The following CELF2 variants were observed in gnomAD, a reference collection of about 807,000 sequenced individuals.
CELF2 encodes the protein CUG triplet repeat RNA-binding protein 2.
Under a neutral mutation model 62.6 loss-of-function variants are expected in CELF2, and 8 were observed. The ratio of observed to expected loss-of-function variants is 0.13; its 90% CI spans 0.07 to 0.23. The LOEUF (loss-of-function observed/expected upper bound fraction) is 0.23, where lower values mean the gene tolerates loss of function less well. Among genes scored for constraint, CELF2 ranks in the 10% least tolerant of loss-of-function variants. The pLI, the probability that CELF2 is intolerant of heterozygous loss-of-function variation, is 1.00. For missense variants in CELF2, 333 were observed against 671.0 expected (o/e 0.50, Z 5.56); for synonymous variants, 258 against 250.0 (o/e 1.03, Z -0.30).
At chr10:11,218,180 A>G (rs976746110) in intron 3 of CELF2, among the ~76,000 whole-genome samples, 1 of 152,236 alleles carries the variant, frequency 6.6e-6, no homozygotes, top group Non-Finnish European at 1.5e-5. Flanking sequence ...TATGTATTTC[A>G]TGCTATTAAT....
chr10:10,922,954 A>T (rs1379426866), intron 2 of CELF2: 1 of 152,192 alleles, frequency 6.6e-6, no homozygotes, highest in African/African-American at 2.4e-5. Flanking sequence ...TTTGATGATG[A>T]ATCCTCCCCT....
At chr10:11,116,657 C>T (rs1454905361) in intron 1 of CELF2, among the ~76,000 whole-genome samples, 6 of 152,158 alleles carry the variant, frequency 3.9e-5, no homozygotes, top group African/African-American at 1.4e-4. Context: ...CAGTGGTGGT[C>T]CCTTCACTTG....
At chr10:10,500,018 C>T in the CELF2 span, among the ~76,000 whole-genome samples, 9 of 152,104 alleles carry the variant, frequency 5.9e-5, no homozygotes, top group East Asian at 1.9e-4. Context: ...AGAGCCTCAC[C>T]GCAGAAACTG....
the CELF2 span, among the ~76,000 whole-genome samples, chr10:10,607,374 A>C: frequency 1.3e-5 from 2 of 152,232 alleles, no homozygotes; most frequent in Non-Finnish European, 2.9e-5. Context: ...CTGCCATAGG[A>C]ATTGTGACTC....
intron 1 of CELF2, among the ~76,000 whole-genome samples, chr10:10,802,567 GA>G (rs2054783108): frequency 6.6e-6 from 1 of 152,052 alleles, no homozygotes; most frequent in Non-Finnish European, 1.5e-5. Context: ...AAAAAAAGTT[GA>G]CAGGAGAATT....
the CELF2 span, among the ~76,000 whole-genome samples, chr10:10,703,253 T>C: frequency 3.9e-5 from 6 of 152,182 alleles, no homozygotes; most frequent in African/African-American, 1.4e-4. Context: ...TGTAATTGTC[T>C]GCTTTTTACA....
At chr10:11,201,034 A>G (rs930220158) in intron 2 of CELF2, among the ~76,000 whole-genome samples, 1 of 152,202 alleles carries the variant, frequency 6.6e-6, no homozygotes, top group Non-Finnish European at 1.5e-5. Context: ...TCAGTGCTTC[A>G]ATGGCTTTGT....
the CELF2 span, among the ~76,000 whole-genome samples, chr10:10,666,605 G>A: frequency 1.3e-5 from 1 of 75,906 alleles, no homozygotes. Context: ...GCTCACGCCT[G>A]TAATCCCAGC....
intron 2 of CELF2, among the ~76,000 whole-genome samples, chr10:10,974,872 G>A (rs1300958229): frequency 2.0e-5 from 3 of 152,208 alleles, no homozygotes; most frequent in Non-Finnish European, 4.4e-5. Context: ...CATAAAGGAA[G>A]GCAAACCATA....
At chr10:11,026,006 G>A (rs1246038164) in intron 1 of CELF2, among the ~76,000 whole-genome samples, 1 of 152,144 alleles carries the variant, frequency 6.6e-6, no homozygotes, top group Non-Finnish European at 1.5e-5. Context: ...GGCTTCTTCT[G>A]TTTCTCAGTG....
chr10:10,816,022 A>G (rs2056433526), intron 1 of CELF2, among the ~76,000 whole-genome samples: 1 of 151,222 alleles, frequency 6.6e-6, no homozygotes, highest in Admixed American at 6.6e-5. Context: ...GACTTGTGGT[A>G]ACACCATCCT....
In CELF2 at chr10:11,334,681, T is replaced by G. The variant is rs963091885; in HGVS notation, c.*5628T>G. On this transcript the variant is annotated 3_prime_UTR_variant, in exon 13 of 13. Coordinates refer to ENST00000633077, the MANE Select transcript of CELF2 (RefSeq NM_001326342.2). ...GACCACACAGGTTAATTTCCCCTTCTCTCCCCTCCCTCATGAGTCTATCCA... is the reference window on the plus strand; with the variant it reads ...GACCACACAGGTTAATTTCCCCTTCGCTCCCCTCCCTCATGAGTCTATCCA... The G allele has an allele frequency of 1.3e-5, 2 of 152,222 alleles. No individual in the cohort carries two copies. Among genetic ancestry groups the G allele is most frequent in the Non-Finnish European group, 2.9e-5 (2 of 68,068 alleles). The allele number at this position is 152,222 out of a possible 1,614,324, so 9.4% of individuals were successfully genotyped here.
rs143436455 is a variant in CELF2 at position 11,019,844 on chromosome 10, A to C, written c.74+1681A>C. 1.0e-3 allele frequency among the ~76,000 whole-genome samples: 158 copies of C among 152,316 alleles called. 1 individual carries two copies. Among genetic ancestry groups the C allele is most frequent in the African/African-American group, 3.7e-3 (152 of 41,564 alleles). On this transcript the variant is annotated intron_variant, in intron 1 of 12. Coordinates refer to ENST00000633077, the MANE Select transcript of CELF2 (RefSeq NM_001326342.2). Reference sequence around the variant, plus strand: ...ATAGACACGTAATACATGTTTGCACATGAGCTAGTATGAAAGTTTTATGCG... The same window carrying C: ...ATAGACACGTAATACATGTTTGCACCTGAGCTAGTATGAAAGTTTTATGCG...
intron 1 of CELF2, among the ~76,000 whole-genome samples, chr10:10,855,562 C>A (rs2059655505): frequency 6.6e-6 from 1 of 152,210 alleles, no homozygotes; most frequent in Non-Finnish European, 1.5e-5. Flanking sequence ...AAAGGCTTAG[C>A]TACCAGACTT....
chr10:10,650,636 A>G, the CELF2 span, among the ~76,000 whole-genome samples: 1 of 152,266 alleles, frequency 6.6e-6, no homozygotes, highest in Non-Finnish European at 1.5e-5. Flanking sequence ...ATACAACTTC[A>G]TACTCTCTAG....
At chr10:10,728,819 G>A in the CELF2 span, among the ~76,000 whole-genome samples, 3 of 151,884 alleles carry the variant, frequency 2.0e-5, no homozygotes, top group African/African-American at 4.8e-5. Context: ...TCTCTCTCTC[G>A]TTAAGCCACG....
chr10:10,874,983 A>T (rs1213406758), intron 1 of CELF2, among the ~76,000 whole-genome samples: 1 of 152,240 alleles, frequency 6.6e-6, no homozygotes, highest in Non-Finnish European at 1.5e-5. Context: ...TTGATCAAAG[A>T]TGATTTCCTT....
chr10:10,644,666 A>T, the CELF2 span, among the ~76,000 whole-genome samples: 1 of 152,092 alleles, frequency 6.6e-6, no homozygotes, highest in East Asian at 1.9e-4. Context: ...GTAGCAAGGG[A>T]TGTCCATGGA....
At chr10:10,856,812 C>G (rs1591245813) in intron 1 of CELF2, among the ~76,000 whole-genome samples, 2 of 152,228 alleles carry the variant, frequency 1.3e-5, no homozygotes, top group East Asian at 3.9e-4. Flanking sequence ...GCTGTAGTAT[C>G]TTCCGTCTTC....
Sources: gnomAD v4.1 joint callset for allele counts (sites outside exome capture counted in the v4.1 genomes callset) on GRCh38, gnomAD v4.1.1 for gene constraint, MANE v1.5 for transcripts, NCBI Gene and HGNC (gene_info 2026-07-23, HGNC 2026-07-21) for gene names.